Variants in STX16 observed in about 807,000 individuals in gnomAD.
The protein encoded by STX16 is syntaxin 16, also known as syntaxin-16.
In STX16, 28 loss-of-function variants were observed where a neutral mutation model predicts 42.7. The observed-to-expected ratio is 0.66, with a 90% CI of 0.49 to 0.90. The LOEUF (loss-of-function observed/expected upper bound fraction) is 0.90. Ranked by LOEUF, STX16 falls within the 40% of genes least tolerant of loss-of-function variation. STX16 has a pLI of 0.00. For missense variants in STX16, 361 were observed against 420.9 expected (o/e 0.86, Z 1.24); for synonymous variants, 156 against 155.2 (o/e 1.00, Z -0.04).
chr20:58,663,917 A>G (rs970129295), intron 2 of STX16, among the ~76,000 whole-genome samples: 11 of 152,194 alleles, frequency 7.2e-5, no homozygotes, highest in Non-Finnish European at 1.5e-4. Flanking sequence ...ACCTCAGGCA[A>G]TCCGCCTGCC....
At chr20:58,653,943 A>C (rs1355867752) in intron 1 of STX16, among the ~76,000 whole-genome samples, 4 of 152,032 alleles carry the variant, frequency 2.6e-5, no homozygotes, top group African/African-American at 9.7e-5. Context: ...TCTGAATCAG[A>C]CCACTTTAGA....
At chr20:58,671,963 C>T (rs1175573390) in intron 7 of STX16, among the ~76,000 whole-genome samples, 2 of 151,904 alleles carry the variant, frequency 1.3e-5, no homozygotes, top group Non-Finnish European at 2.9e-5. Flanking sequence ...TAACATGATG[C>T]CACAGGTGGA....
At chr20:58,669,213 T>C in intron 4 of STX16, 78 bp from the exon 5 acceptor site, 1 of 1,496,582 alleles carries the variant, frequency 6.7e-7, no homozygotes. Flanking sequence ...CACTTCTCAC[T>C]CTGGCTTGTG....
chr20:58,652,184 C>A lies in STX16; in HGVS notation c.132+46C>A, dbSNP rs766392789. The A allele has an allele frequency of 2.5e-6, 4 of 1,609,328 alleles. No homozygotes were observed. The Admixed American group carries it at 5.0e-5, about 20-fold the overall frequency. ...TCCGACACACGGACCGTGTGCACTG[C>A]GGCTCTGCCTGTTTGTCTGTCTCTG... On this transcript the variant is annotated intron_variant, in intron 1 of 8. Transcript: ENST00000371141.
chr20:58,672,161 C>T (rs540917394), intron 7 of STX16, among the ~76,000 whole-genome samples: 10 of 152,048 alleles, frequency 6.6e-5, no homozygotes, highest in African/African-American at 1.9e-4. Context: ...GGTGAAACCC[C>T]GTCTCTGCTA....
chr20:58,666,844 T>C (rs1175440641), intron 2 of STX16, among the ~76,000 whole-genome samples: 2 of 152,220 alleles, frequency 1.3e-5, no homozygotes, highest in Non-Finnish European at 2.9e-5. Context: ...GACATTTAAC[T>C]GAAGAAAAGA....
rs2084181276 is a variant in STX16 at position 58,678,184 on chromosome 20, A to G, written c.*1893A>G. On this transcript the variant is annotated 3_prime_UTR_variant, in exon 9 of 9. Coordinates refer to ENST00000371141, the MANE Select transcript of STX16 (RefSeq NM_001001433.3). ...CTCAAAAACAGTCCACAGTGGCAAT[A>G]CCGGACTTCTGTTCAAGCTTTTTAA... The G allele has an allele frequency of 6.6e-6, 1 of 152,238 alleles. No individual in the cohort carries two copies. The highest frequency in any genetic ancestry group is 1.5e-5 in the Non-Finnish European group (1 of 68,052). 9.4% of individuals were successfully genotyped at this position (152,238 alleles called of 1,614,324 possible).
chr20:58,659,690 A>G (rs2083655135), intron 2 of STX16, 56 bp downstream of exon 2: 1 of 1,585,104 alleles, frequency 6.3e-7, no homozygotes, highest in Admixed American at 1.7e-5. Context: ...TAAAATACCT[A>G]CTTTTCCTGA....
At chr20:58,675,221 G>A (rs959188461) in intron 8 of STX16, among the ~76,000 whole-genome samples, 1 of 152,186 alleles carries the variant, frequency 6.6e-6, no homozygotes, top group African/African-American at 2.4e-5. Context: ...TCCTCCAGGT[G>A]GGCGGGCAGG....
At chr20:58,660,800 A>G (rs186835730) in intron 2 of STX16, among the ~76,000 whole-genome samples, 32 of 149,802 alleles carry the variant, frequency 2.1e-4, no homozygotes, top group Admixed American at 8.7e-4. Context: ...AAAGATACAC[A>G]AGAAACTGTT....
chr20:58,652,117 G>A lies in STX16; in HGVS notation c.111G>A (p.Leu37=). The part of the protein sequence containing the change: ...QVSSHITSSP[L]HSRSIAAELD... ...GTAGTCACATCACCTCCAGCCCTCTGCATTCACGTAGCATTGCTGCGGTGA... is the reference window on the plus strand; with the variant it reads ...GTAGTCACATCACCTCCAGCCCTCTACATTCACGTAGCATTGCTGCGGTGA... Residue 37 remains leucine, a synonymous_variant, in exon 1 of 9, where the codon CTG becomes CTA. Transcript: ENST00000371141. The A allele has an allele frequency of 6.2e-7, 1 of 1,614,138 alleles. No homozygotes were observed. Among genetic ancestry groups the A allele is most frequent in the Non-Finnish European group, 8.5e-7 (1 of 1,180,038 alleles).
intron 2 of STX16, among the ~76,000 whole-genome samples, chr20:58,662,398 C>G (rs141069783): frequency 1.7e-3 from 260 of 152,320 alleles, no homozygotes; most frequent in Non-Finnish European, 3.0e-3. Flanking sequence ...CCTCCTTTTT[C>G]TTCCCCTCAG....
rs1231877577 is a variant in STX16 at position 58,657,739 on chromosome 20, G to C, written c.133-1884G>C. Among the ~76,000 whole-genome samples the C allele has an allele frequency of 6.6e-6, 1 of 152,158 alleles. No individual in the cohort carries two copies. The highest frequency in any genetic ancestry group is 1.9e-4 in the East Asian group (1 of 5,202). On this transcript the variant is annotated intron_variant, in intron 1 of 8. Transcript: ENST00000371141. This position sits in a 1 kb window ranked among gnomAD's most constrained non-coding sequence, Gnocchi z 4.2. The stretch of plus-strand genomic sequence containing the variant: ...ATTCAGGTCTTGACTAAATTTCCTG[G>C]TAATTTGGTGGCAGACAGAATTTTG...
intron 7 of STX16, among the ~76,000 whole-genome samples, chr20:58,673,023 C>T (rs1229611596): frequency 6.6e-6 from 1 of 152,166 alleles, no homozygotes; most frequent in Non-Finnish European, 1.5e-5. Context: ...AAGCTCTGTT[C>T]TTCCTCATAG....
chr20:58,652,165 A>G, intron 1 of STX16, 27 bp downstream of exon 1: 1 of 1,612,302 alleles, frequency 6.2e-7, no homozygotes, highest in Non-Finnish European at 8.5e-7. Context: ...CCTCTCCGAC[A>G]CACGGACCGT....
chr20:58,670,491 A>G (rs1381173977), intron 5 of STX16, 21 bp from the exon 6 acceptor site: 10 of 1,597,296 alleles, frequency 6.3e-6, no homozygotes, highest in Non-Finnish European at 7.7e-6. Context: ...TTCAAGTAAA[A>G]TGAATTCCTA....
chr20:58,671,351 C>G (rs575054002), intron 7 of STX16, 54 bp downstream of exon 7: 106 of 1,532,566 alleles, frequency 6.9e-5, no homozygotes, highest in Non-Finnish European at 4.6e-5. Context: ...CTATCTGTAC[C>G]TTCTTTTTCC....
intron 8 of STX16, 144 bp from the exon 9 acceptor site, chr20:58,676,043 T>G (rs1424313361): frequency 2.0e-5 from 13 of 644,604 alleles, no homozygotes; most frequent in Non-Finnish European, 2.2e-5. Flanking sequence ...GTGGGATTGA[T>G]TGGAGGGATT....
chr20:58,662,747 C>T (rs1037972282), intron 2 of STX16, among the ~76,000 whole-genome samples: 9 of 152,060 alleles, frequency 5.9e-5, no homozygotes, highest in African/African-American at 2.2e-4. Context: ...AGGCTGGTCT[C>T]GAACTCCTGA....
Sources: gnomAD v4.1 joint callset for allele counts (sites outside exome capture counted in the v4.1 genomes callset) on GRCh38, gnomAD v4.1.1 for gene constraint, Gnocchi (gnomAD v3.1) non-coding constraint, MANE v1.5 for transcripts, NCBI Gene and HGNC (gene_info 2026-07-23, HGNC 2026-07-21) for gene names.